MYO5A: variants seen among roughly 807,000 people sequenced by gnomAD.
The protein encoded by MYO5A is unconventional myosin-Va.
In MYO5A, 98 loss-of-function variants were observed where a neutral mutation model predicts 249.7. The observed-to-expected ratio is 0.39, with a 90% CI of 0.33 to 0.46. The LOEUF is 0.46. MYO5A is among the 20% of genes least tolerant of loss of function. The pLI, the probability that MYO5A is intolerant of heterozygous loss-of-function variation, is 0.98. For missense variants in MYO5A, 1,696 were observed against 2,308.8 expected (o/e 0.73, Z 5.44); for synonymous variants, 778 against 810.6 (o/e 0.96, Z 0.68).
At chr15:52,475,892 T>C (rs982578857) in intron 1 of MYO5A, among the ~76,000 whole-genome samples, 11 of 152,212 alleles carry the variant, frequency 7.2e-5, no homozygotes, top group Non-Finnish European at 1.5e-4. Flanking sequence ...GTTCTGTAGA[T>C]GTCTATTAGG....
chr15:52,465,322 G>A (rs1396869325), intron 1 of MYO5A, among the ~76,000 whole-genome samples: 2 of 152,100 alleles, frequency 1.3e-5, no homozygotes, highest in South Asian at 2.1e-4. Context: ...TTTATTAAGT[G>A]TCCTTTTAGC....
chr15:52,356,819 A>T (rs8027845), intron 25 of MYO5A, among the ~76,000 whole-genome samples: 27,965 of 89,732 alleles, frequency 0.31, 3,795 homozygotes, highest in East Asian at 0.59. Context: ...TTTTTTTTTT[A>T]TTTTCAGGAA....
chr15:52,524,144 C>T (rs568917686), intron 1 of MYO5A, among the ~76,000 whole-genome samples: 5 of 152,284 alleles, frequency 3.3e-5, no homozygotes, highest in African/African-American at 9.6e-5. Context: ...TTTAGATTGT[C>T]TTTGCACTGT....
Position 52,407,304 on chromosome 15 carries a change from A to C in MYO5A, c.934T>G (p.Cys312Gly). The change falls in exon 8 of 42, where the codon TGC becomes GGC. Residue 312 changes from cysteine to glycine, a missense_variant. By Grantham distance (159) the Cys-to-Gly change is radical (BLOSUM62 -3). Coordinates refer to ENST00000399233, the MANE Select transcript of MYO5A (RefSeq NM_001382347.1). ...AAAGTGACATTACCTAGCAAAGTGCAGGCCTGCCTAGTATGTGCCATCTCC... is the reference window on the plus strand; with the variant it reads ...AAAGTGACATTACCTAGCAAAGTGCCGGCCTGCCTAGTATGTGCCATCTCC... The part of the protein sequence containing the change: ...AKEMAHTRQA[C>G]TLLGISESHQ... 1.2e-6 allele frequency: 2 copies of C among 1,612,172 alleles called. No homozygotes were observed. The highest frequency in any genetic ancestry group is 1.7e-6 in the Non-Finnish European group (2 of 1,178,242).
intron 20 of MYO5A, among the ~76,000 whole-genome samples, chr15:52,374,943 T>C (rs2041325194): frequency 6.6e-6 from 1 of 152,236 alleles, no homozygotes; most frequent in Non-Finnish European, 1.5e-5. Context: ...TTTCCCATTG[T>C]TTTGTTAATA....
intron 4 of MYO5A, among the ~76,000 whole-genome samples, chr15:52,421,289 C>A (rs773877722): frequency 6.6e-6 from 1 of 151,932 alleles, no homozygotes; most frequent in Non-Finnish European, 1.5e-5. Context: ...GAAGGGGCCA[C>A]CCTAAGGAAG....
chr15:52,472,935 A>G (rs2076507666), intron 1 of MYO5A, among the ~76,000 whole-genome samples: 1 of 152,314 alleles, frequency 6.6e-6, no homozygotes, highest in East Asian at 1.9e-4. Flanking sequence ...GTCAAATGGT[A>G]TTTCTAGTTC....
chr15:52,459,379 C>G (rs1203212087), intron 1 of MYO5A, among the ~76,000 whole-genome samples: 1 of 151,836 alleles, frequency 6.6e-6, no homozygotes, highest in Non-Finnish European at 1.5e-5. Context: ...CTCTTAACGA[C>G]TATGCTGCCT....
chr15:52,456,791 C>T (rs777967270), intron 1 of MYO5A, among the ~76,000 whole-genome samples: 26 of 152,166 alleles, frequency 1.7e-4, no homozygotes, highest in Non-Finnish European at 2.8e-4. Context: ...AACTAGACCC[C>T]AGTCTCTCAA....
At chr15:52,523,918 G>C (rs2077675473) in intron 1 of MYO5A, among the ~76,000 whole-genome samples, 1 of 138,778 alleles carries the variant, frequency 7.2e-6, no homozygotes, top group Non-Finnish European at 1.6e-5. Flanking sequence ...GAGAAATACA[G>C]TCTCGACATG....
rs534744064 is a variant in MYO5A, at chr15:52,473,895, G to A, written c.28-40610C>T. ...TGTGGGCTCTTCTGTGGTTCCATAT[G>A]AACTTTAAAGTAGTTTTTTCCAATT... On this transcript the variant is annotated intron_variant, in intron 1 of 41. Transcript: ENST00000399233. 2.0e-5 allele frequency among the ~76,000 whole-genome samples: 3 copies of A among 152,302 alleles called. No homozygotes were observed. The South Asian group carries it at 6.2e-4, about 32-fold the overall frequency.
intron 1 of MYO5A, among the ~76,000 whole-genome samples, chr15:52,472,806 G>T (rs2076504596): frequency 6.6e-6 from 1 of 152,166 alleles, no homozygotes; most frequent in South Asian, 2.1e-4. Flanking sequence ...TGGACATTTG[G>T]GTTGGTTCCA....
At chr15:52,499,040 G>A (rs898805230) in intron 1 of MYO5A, among the ~76,000 whole-genome samples, 1 of 152,096 alleles carries the variant, frequency 6.6e-6, no homozygotes, top group Non-Finnish European at 1.5e-5. Flanking sequence ...AGGCTTTGTG[G>A]GGCAGAGCCA....
At chr15:52,369,697 T>C (rs2041001330) in intron 22 of MYO5A, among the ~76,000 whole-genome samples, 1 of 152,034 alleles carries the variant, frequency 6.6e-6, no homozygotes, top group African/African-American at 2.4e-5. Flanking sequence ...ACTAAGCATG[T>C]GGGAGTTATT....
At chr15:52,328,535 T>C (rs1437671130) in intron 35 of MYO5A, among the ~76,000 whole-genome samples, 1 of 152,176 alleles carries the variant, frequency 6.6e-6, no homozygotes, top group Non-Finnish European at 1.5e-5. Flanking sequence ...CAGCTACAGA[T>C]GTCCCATGGA....
At chr15:52,521,748 G>T (rs1207787006) in intron 1 of MYO5A, among the ~76,000 whole-genome samples, 1 of 152,238 alleles carries the variant, frequency 6.6e-6, no homozygotes, top group African/African-American at 2.4e-5. Context: ...AATTCCAAGT[G>T]AGGAGGGCTT....
intron 19 of MYO5A, 145 bp downstream of exon 19, chr15:52,376,202 T>C: frequency 1.4e-6 from 1 of 717,808 alleles, no homozygotes; most frequent in Admixed American, 2.3e-5. Context: ...TTTATTCTAT[T>C]TAGCTGTCCT....
intron 31 of MYO5A, among the ~76,000 whole-genome samples, chr15:52,341,483 A>G (rs963209474): frequency 1.3e-5 from 2 of 152,212 alleles, no homozygotes; most frequent in African/African-American, 4.8e-5. Flanking sequence ...GAGTCAGAGC[A>G]TCCTCCCTTT....
Position 52,392,766 on chromosome 15 carries a change from C to T in MYO5A, c.1402-696G>A, listed in dbSNP as rs149296691. On this transcript the variant is annotated intron_variant, in intron 11 of 41. Coordinates refer to ENST00000399233, the MANE Select transcript of MYO5A (RefSeq NM_001382347.1). ...TGTCTACCATGTGCCAGTCACTGCACATGGGCAACAACACCGATGTGGATG... is the reference window on the plus strand; with the variant it reads ...TGTCTACCATGTGCCAGTCACTGCATATGGGCAACAACACCGATGTGGATG... Among the ~76,000 whole-genome samples, 65 of 152,390 alleles carry T rather than the reference C, an allele frequency of 4.3e-4. 4 individuals carry two copies. The East Asian group carries it at 0.012, about 29-fold the overall frequency.
Sources: allele counts gnomAD v4.1 joint callset (sites outside exome capture counted in the v4.1 genomes callset), GRCh38; gene constraint gnomAD v4.1.1; transcripts MANE v1.5; gene names NCBI Gene and HGNC (gene_info 2026-07-23, HGNC 2026-07-21).